VPS13B: variants seen among roughly 807,000 people sequenced by gnomAD.
The protein encoded by VPS13B is intermembrane lipid transfer protein VPS13B.
VPS13B carries 285 observed loss-of-function variants against 426.4 expected under a neutral mutation model. The ratio of observed to expected loss-of-function variants is 0.67; its 90% CI spans 0.61 to 0.74. The LOEUF is 0.74. VPS13B is among the 30% of genes least tolerant of loss of function. The pLI is 0.00. For synonymous variants in VPS13B, 1,676 were observed against 1,676.4 expected, an observed-to-expected ratio of 1.00 and a Z score of 0.01; for missense variants, 4,537 against 4,782.6, an observed-to-expected ratio of 0.95 and a Z score of 1.51.
intron 19 of VPS13B, among the ~76,000 whole-genome samples, chr8:99,355,051 A>T (rs1011038786): frequency 7.2e-5 from 11 of 152,210 alleles, no homozygotes; most frequent in African/African-American, 2.7e-4. Flanking sequence ...GAAAGGGGGC[A>T]AGGAGTTTTA....
chr8:99,163,155 C>T (rs1811772464), intron 15 of VPS13B, among the ~76,000 whole-genome samples: 1 of 149,902 alleles, frequency 6.7e-6, no homozygotes. Flanking sequence ...TATTTACAAT[C>T]CCTGAGCTAG....
At chr8:99,333,557 CAT>C (rs1206619597) in intron 19 of VPS13B, among the ~76,000 whole-genome samples, 1 of 151,778 alleles carries the variant, frequency 6.6e-6, no homozygotes, top group Non-Finnish European at 1.5e-5. Flanking sequence ...AGTTTTATCA[CAT>C]ATGTAGATTC....
chr8:99,276,012 T>C (rs973455188), intron 19 of VPS13B, among the ~76,000 whole-genome samples: 1 of 152,154 alleles, frequency 6.6e-6, no homozygotes, highest in Non-Finnish European at 1.5e-5. Context: ...TAGTTTCAAA[T>C]AGCTGCTTTA....
chr8:99,258,230 A>C (rs771907646), intron 17 of VPS13B, among the ~76,000 whole-genome samples: 1 of 151,240 alleles, frequency 6.6e-6, no homozygotes, highest in Non-Finnish European at 1.5e-5. Context: ...TTTTCTTTCC[A>C]TATGTGTTAT....
intron 2 of VPS13B, among the ~76,000 whole-genome samples, chr8:99,028,553 C>T (rs1164457157): frequency 7.7e-5 from 8 of 104,316 alleles, no homozygotes; most frequent in African/African-American, 1.8e-4. Context: ...CCGGACGGGG[C>T]GGCTGGCCGG....
intron 5 of VPS13B, among the ~76,000 whole-genome samples, chr8:99,107,533 C>T (rs956272678): frequency 6.6e-6 from 1 of 151,864 alleles, no homozygotes; most frequent in Non-Finnish European, 1.5e-5. Context: ...ATTTCCAAGA[C>T]TTTTATTTCA....
chr8:99,553,246 T>C lies in VPS13B; in HGVS notation c.4746-3204T>C, dbSNP rs989334016. Among the ~76,000 whole-genome samples, 14 of 152,252 alleles carry C rather than the reference T, an allele frequency of 9.2e-5. No individual in the cohort carries two copies. In the East Asian group the frequency reaches 2.5e-3, roughly 27 times the overall value. On this transcript the variant is annotated intron_variant, in intron 30 of 61. Transcript: ENST00000357162. ...CTTCCCAGCTTCTGTTATTCTGTTA[T>C]TGGTGTTGGCTCCAGGATGTGTCTG...
chr8:99,334,877 T>A lies in VPS13B; in HGVS notation c.2825-49331T>A, dbSNP rs189293668. ...TCAGGATGACACTGGCCTCATAAAA[T>A]GAGTTAGGGAGGATTCCCTCTTTTT... On this transcript the variant is annotated intron_variant, in intron 19 of 61. Transcript: ENST00000357162. 8.0e-3 allele frequency among the ~76,000 whole-genome samples: 1,221 copies of A among 152,274 alleles called. 12 individuals are homozygous for A. The highest frequency in any genetic ancestry group is 0.011 in the Non-Finnish European group (733 of 67,998).
At chr8:99,035,530 C>A (rs1229240470) in intron 2 of VPS13B, among the ~76,000 whole-genome samples, 1 of 151,984 alleles carries the variant, frequency 6.6e-6, no homozygotes, top group Non-Finnish European at 1.5e-5. Context: ...TGAATAATAT[C>A]CCATTGTATG....
chr8:99,377,113 C>G (rs1588307907), intron 19 of VPS13B, among the ~76,000 whole-genome samples: 1 of 152,066 alleles, frequency 6.6e-6, no homozygotes, highest in East Asian at 1.9e-4. Flanking sequence ...CTGATCTTCT[C>G]TTTATCTTCA....
Position 99,146,199 on chromosome 8 carries a change from C to T in VPS13B, c.1844-1642C>T, listed in dbSNP as rs534708617. ...TTTTTCATTTTATACTCAAGTATGT[C>T]ATCATTTTGAATTAATTTTTTACAT... On this transcript the variant is annotated intron_variant, in intron 13 of 61. Transcript: ENST00000357162. 2.6e-5 allele frequency among the ~76,000 whole-genome samples: 4 copies of T among 152,224 alleles called. No individual in the cohort carries two copies. The South Asian group carries it at 6.2e-4, about 24-fold the overall frequency.
At chr8:99,695,605 G>A (rs557675343) in intron 35 of VPS13B, among the ~76,000 whole-genome samples, 131 of 142,586 alleles carry the variant, frequency 9.2e-4, no homozygotes, top group African/African-American at 2.8e-3. Context: ...GCTAGATGAC[G>A]AGTTAGTGGG....
chr8:99,445,680 A>C (rs1300424979), intron 23 of VPS13B, among the ~76,000 whole-genome samples: 1 of 151,996 alleles, frequency 6.6e-6, no homozygotes. Flanking sequence ...TAGAAATATT[A>C]AGATGCATAT....
intron 19 of VPS13B, among the ~76,000 whole-genome samples, chr8:99,323,411 T>A (rs1454694235): frequency 6.6e-6 from 1 of 152,166 alleles, no homozygotes; most frequent in Non-Finnish European, 1.5e-5. Flanking sequence ...TTTTCTTACA[T>A]CCTTAAAAAC....
intron 24 of VPS13B, 81 bp from the exon 25 acceptor site, chr8:99,481,504 CTCTGGAATAGTTAA>C: frequency 7.4e-7 from 1 of 1,346,164 alleles, no homozygotes; most frequent in Non-Finnish European, 1.1e-6. Flanking sequence ...AATTTTATTT[CTCTGGAATAGTTAA>C]TTTTCTCATA....
chr8:99,812,096 C>T (rs1198327033), intron 44 of VPS13B, among the ~76,000 whole-genome samples: 1 of 152,116 alleles, frequency 6.6e-6, no homozygotes, highest in Admixed American at 6.6e-5. Flanking sequence ...AGTATACCTA[C>T]CAAATGTCAT....
At chr8:99,180,115 A>G (rs1454945589) in intron 16 of VPS13B, among the ~76,000 whole-genome samples, 2 of 152,140 alleles carry the variant, frequency 1.3e-5, no homozygotes, top group African/African-American at 4.8e-5. Context: ...TTTTAAGTAG[A>G]TGAATTGTCT....
intron 17 of VPS13B, among the ~76,000 whole-genome samples, chr8:99,237,697 G>A (rs1483216865): frequency 6.6e-6 from 1 of 152,100 alleles, no homozygotes; most frequent in African/African-American, 2.4e-5. Flanking sequence ...GGTGTATGCT[G>A]CTTGAGTGAT....
chr8:99,131,745 T>A (rs1184985936), intron 8 of VPS13B, among the ~76,000 whole-genome samples: 1 of 152,196 alleles, frequency 6.6e-6, no homozygotes, highest in Non-Finnish European at 1.5e-5. Context: ...TGATGATTGC[T>A]GTCTGATCAG....
Sources: gnomAD v4.1 joint callset for allele counts (sites outside exome capture counted in the v4.1 genomes callset) on GRCh38, gnomAD v4.1.1 for gene constraint, MANE v1.5 for transcripts, NCBI Gene and HGNC (gene_info 2026-07-23, HGNC 2026-07-21) for gene names.